Variants in NFYC observed in about 807,000 individuals in gnomAD.
The protein encoded by NFYC is nuclear transcription factor Y subunit gamma, also known as CAAT box DNA-binding protein subunit C.
NFYC carries 25 observed loss-of-function variants against 53.1 expected under a neutral mutation model. The observed-to-expected ratio is 0.47, with a 90% CI of 0.34 to 0.66. The LOEUF (loss-of-function observed/expected upper bound fraction) is 0.66. Among genes scored for constraint, NFYC ranks in the 30% least tolerant of loss-of-function variants. The pLI, the probability that NFYC is intolerant of heterozygous loss-of-function variation, is 0.01. For synonymous variants in NFYC, 145 were observed against 152.6 expected (o/e 0.95, Z 0.37); for missense variants, 260 against 422.7 (o/e 0.62, Z 3.38).
At position 40,742,273 on chromosome 1, in the gene NFYC, T is replaced by C. The variant is rs572810352; in HGVS notation, c.105+3325T>C. 2.6e-5 allele frequency among the ~76,000 whole-genome samples: 4 copies of C among 152,260 alleles called. No individual in the cohort carries two copies. The South Asian group carries it at 8.3e-4, about 32-fold the overall frequency. On this transcript the variant is annotated intron_variant, in intron 2 of 9. Coordinates refer to ENST00000447388, the MANE Select transcript of NFYC (RefSeq NM_014223.5). Reference sequence around the variant, plus strand: ...TTGTATGTATATACCACATTTTGTTTATCCGTTCATCTGTTAATGGACATT... The same window carrying C: ...TTGTATGTATATACCACATTTTGTTCATCCGTTCATCTGTTAATGGACATT...
At chr1:40,769,708 T>C (rs1432418133) in intron 9 of NFYC, among the ~76,000 whole-genome samples, 1 of 152,154 alleles carries the variant, frequency 6.6e-6, no homozygotes, top group East Asian at 1.9e-4. Flanking sequence ...AGATGTTCAT[T>C]GCAGAGCCAG....
At chr1:40,726,441 A>C (rs1570455597) in intron 1 of NFYC, among the ~76,000 whole-genome samples, 2 of 135,780 alleles carry the variant, frequency 1.5e-5, no homozygotes, top group African/African-American at 2.8e-5. Context: ...TCCTCTCTCC[A>C]CACTGTCACC....
chr1:40,696,894 A>G (rs1226718886), intron 1 of NFYC, among the ~76,000 whole-genome samples: 3 of 152,208 alleles, frequency 2.0e-5, no homozygotes, highest in Non-Finnish European at 4.4e-5. Context: ...GGAAGGCTAC[A>G]AGGTCATTTT....
chr1:40,705,816 G>A (rs550847988), intron 1 of NFYC, among the ~76,000 whole-genome samples: 4 of 152,144 alleles, frequency 2.6e-5, no homozygotes, highest in East Asian at 3.9e-4. Flanking sequence ...GGATGATCAC[G>A]GCTCATTGCA....
chr1:40,697,062 C>T (rs1570278728), intron 1 of NFYC, among the ~76,000 whole-genome samples: 2 of 152,336 alleles, frequency 1.3e-5, no homozygotes, highest in South Asian at 4.1e-4. Context: ...TCTGTCTCTG[C>T]AGTGCATTTA....
At chr1:40,745,221 A>G (rs1645548423) in intron 2 of NFYC, among the ~76,000 whole-genome samples, 1 of 152,120 alleles carries the variant, frequency 6.6e-6, no homozygotes. Context: ...CTTTTTTATC[A>G]ACTTTGGGCT....
At chr1:40,724,537 A>G (rs1644441135) in intron 1 of NFYC, among the ~76,000 whole-genome samples, 1 of 152,180 alleles carries the variant, frequency 6.6e-6, no homozygotes, top group African/African-American at 2.4e-5. Context: ...CAAAATACTG[A>G]TAGTGTTTTA....
intron 1 of NFYC, among the ~76,000 whole-genome samples, chr1:40,707,160 ACT>A (rs1643732104): frequency 1.3e-5 from 2 of 149,440 alleles, no homozygotes; most frequent in Non-Finnish European, 3.0e-5. Context: ...ACAGAGGGAG[ACT>A]CTGCCTCAAA....
At chr1:40,754,432 A>G (rs976303699) in intron 5 of NFYC, 1 of 533,842 alleles carries the variant, frequency 1.9e-6, no homozygotes, top group Non-Finnish European at 3.8e-6. Context: ...GGATGTTTAC[A>G]GCGGCAGGCT....
chr1:40,706,796 G>C (rs945446525), intron 1 of NFYC, among the ~76,000 whole-genome samples: 2 of 152,146 alleles, frequency 1.3e-5, no homozygotes, highest in Non-Finnish European at 1.5e-5. Context: ...CAGCACCTTG[G>C]AATGTTTTCA....
At chr1:40,737,331 T>G (rs1037352675) in intron 1 of NFYC, among the ~76,000 whole-genome samples, 2 of 101,500 alleles carry the variant, frequency 2.0e-5, no homozygotes, top group African/African-American at 8.8e-5. Flanking sequence ...ATTTTAATTC[T>G]ACTTTTTTTT....
chr1:40,694,451 A>G lies in NFYC; in HGVS notation c.-9+2584A>G, dbSNP rs190908976. Among the ~76,000 whole-genome samples the G allele has an allele frequency of 1.7e-3, 255 of 152,330 alleles. 1 individual carries two copies. Among genetic ancestry groups the G allele is most frequent in the African/African-American group, 5.1e-3 (214 of 41,576 alleles). ...AAGCCCTCCCTCATTTTTGTTTACA[A>G]TAACGTTTCACTGTGGAAGATAGAG... is the stretch of plus-strand genomic sequence containing the variant. On this transcript the variant is annotated intron_variant, in intron 1 of 9. Coordinates refer to ENST00000447388, the MANE Select transcript of NFYC (RefSeq NM_014223.5).
chr1:40,730,505 A>C, intron 1 of NFYC: 2 of 956,684 alleles, frequency 2.1e-6, no homozygotes. Flanking sequence ...GAAGCACAAT[A>C]AAGTGAAATG....
intron 1 of NFYC, among the ~76,000 whole-genome samples, chr1:40,702,370 T>C (rs1643480971): frequency 7.0e-6 from 1 of 142,272 alleles, no homozygotes; most frequent in African/African-American, 2.7e-5. Context: ...CGAGAGGGAG[T>C]CTCTCTTTGT....
intron 1 of NFYC, among the ~76,000 whole-genome samples, chr1:40,706,433 T>C (rs1428653723): frequency 6.6e-6 from 1 of 152,106 alleles, no homozygotes; most frequent in Non-Finnish European, 1.5e-5. Context: ...GCAGACCACC[T>C]TGCTCCTATT....
chr1:40,702,232 T>C (rs1449489827), intron 1 of NFYC, among the ~76,000 whole-genome samples: 2 of 152,212 alleles, frequency 1.3e-5, no homozygotes, highest in South Asian at 2.1e-4. Flanking sequence ...TTTCATTCCT[T>C]CATTCACTGA....
chr1:40,732,491 G>A (rs750578805), intron 1 of NFYC, among the ~76,000 whole-genome samples: 3 of 152,156 alleles, frequency 2.0e-5, no homozygotes, highest in Non-Finnish European at 2.9e-5. Context: ...AACTTCTGAA[G>A]TTTCATTTTT....
At chr1:40,699,952 C>T (rs189195717) in intron 1 of NFYC, among the ~76,000 whole-genome samples, 13 of 152,314 alleles carry the variant, frequency 8.5e-5, no homozygotes, top group South Asian at 8.3e-4. Context: ...AGATACATTA[C>T]GCGGTGTTAC....
At chr1:40,706,731 C>T (rs750921275) in intron 1 of NFYC, among the ~76,000 whole-genome samples, 1 of 152,094 alleles carries the variant, frequency 6.6e-6, no homozygotes, top group African/African-American at 2.4e-5. Flanking sequence ...CTTAAAAAAC[C>T]GAAGCAGTTG....
Sources: gnomAD v4.1 joint callset for allele counts (sites outside exome capture counted in the v4.1 genomes callset) on GRCh38, gnomAD v4.1.1 for gene constraint, MANE v1.5 for transcripts, NCBI Gene and HGNC (gene_info 2026-07-23, HGNC 2026-07-21) for gene names.